ATP2B2: variants seen among roughly 807,000 people sequenced by gnomAD.
ATP2B2 encodes the protein plasma membrane calcium-transporting ATPase 2.
A neutral mutation model predicts 120.0 loss-of-function variants in ATP2B2; 15 were observed. The observed-to-expected ratio is 0.12, with a 90% CI of 0.08 to 0.19. ATP2B2 has a LOEUF of 0.19. Among genes scored for constraint, ATP2B2 ranks in the 10% least tolerant of loss-of-function variants. The probability of loss-of-function intolerance (pLI) is 1.00; values close to 1 mark genes in which losing one functional copy is unlikely to be tolerated. For missense variants in ATP2B2, 1,045 were observed against 1,719.8 expected (o/e 0.61, Z 6.94); for synonymous variants, 694 against 700.3 (o/e 0.99, Z 0.14).
chr3:10,514,277 G>A (rs1206955673), intron 3 of ATP2B2, among the ~76,000 whole-genome samples: 3 of 152,176 alleles, frequency 2.0e-5, no homozygotes, highest in Non-Finnish European at 4.4e-5. Context: ...AGTGGTTGAG[G>A]GGAGCAGGGA....
At position 10,396,996 on chromosome 3, in the gene ATP2B2, A is replaced by G. The variant is rs181082674; in HGVS notation, c.781+3957T>C. 2.1e-3 allele frequency among the ~76,000 whole-genome samples: 324 copies of G among 152,320 alleles called. 2 individuals are homozygous for G. The highest frequency in any genetic ancestry group is 7.3e-3 in the African/African-American group (304 of 41,566). ...GAGCCTCCCTGTGCAGCACTGTGCT[A>G]GGGGATCCACTTACATCATATCATG... On this transcript the variant is annotated intron_variant, in intron 5 of 22. Transcript: ENST00000360273.
intron 5 of ATP2B2, among the ~76,000 whole-genome samples, chr3:10,393,988 C>T (rs77802132): frequency 0.027 from 4,183 of 152,304 alleles, 70 homozygotes; most frequent in Middle Eastern, 0.065. Context: ...GGTAGCAGAA[C>T]TGGGAAGCCT....
At chr3:10,505,678 G>T (rs2066599686), upstream of ATP2B2, 3 of 148,042 alleles carry the variant, frequency 2.0e-5, no homozygotes, top group Admixed American at 2.0e-4. Flanking sequence ...AATCTCGGGG[G>T]AGGCAGAGGC....
At chr3:10,446,509 A>G (rs953171547) in intron 2 of ATP2B2, among the ~76,000 whole-genome samples, 1 of 152,174 alleles carries the variant, frequency 6.6e-6, no homozygotes, top group Non-Finnish European at 1.5e-5. Context: ...TTACAGATGA[A>G]GAAACGGGGG....
intron 12 of ATP2B2, among the ~76,000 whole-genome samples, chr3:10,364,840 C>T (rs760509282): frequency 1.3e-5 from 2 of 152,206 alleles, no homozygotes; most frequent in South Asian, 2.1e-4. Flanking sequence ...CAACTTTATG[C>T]TAATTGGCTG....
At chr3:10,421,891 T>C (rs1442906106) in intron 2 of ATP2B2, among the ~76,000 whole-genome samples, 2 of 152,224 alleles carry the variant, frequency 1.3e-5, no homozygotes, top group East Asian at 1.9e-4. Flanking sequence ...GAACATTTAC[T>C]ATCACTTCCT....
chr3:10,564,106 C>T (rs2067959272), intron 2 of ATP2B2, among the ~76,000 whole-genome samples: 1 of 152,210 alleles, frequency 6.6e-6, no homozygotes. Context: ...CTAGGTCTAG[C>T]CTTGGCTCTG....
chr3:10,684,584 A>G (rs997321510), intron 1 of ATP2B2, among the ~76,000 whole-genome samples: 1 of 152,248 alleles, frequency 6.6e-6, no homozygotes, highest in Non-Finnish European at 1.5e-5. Flanking sequence ...CAGGCCTGCC[A>G]CTGATATGCT....
At chr3:10,368,389 C>T (rs113338077) in intron 12 of ATP2B2, among the ~76,000 whole-genome samples, 2 of 152,110 alleles carry the variant, frequency 1.3e-5, no homozygotes, top group African/African-American at 4.8e-5. Flanking sequence ...AAGGTAGAGA[C>T]ATCAGTCCTG....
intron 2 of ATP2B2, among the ~76,000 whole-genome samples, chr3:10,536,139 C>A (rs753130128): frequency 1.3e-5 from 2 of 152,108 alleles, no homozygotes; most frequent in Non-Finnish European, 2.9e-5. Context: ...TGTTGCACAT[C>A]TTTTCACGTG....
intron 5 of ATP2B2, among the ~76,000 whole-genome samples, chr3:10,396,906 C>G (rs758121716): frequency 6.6e-6 from 1 of 152,044 alleles, no homozygotes; most frequent in Non-Finnish European, 1.5e-5. Flanking sequence ...GGATTGGAAC[C>G]CAGTCTGTTT....
rs1177614287 is a variant in ATP2B2 at position 10,405,226 on chromosome 3, G to C, written c.398-2878C>G. Among the ~76,000 whole-genome samples, 3 of 152,046 alleles carry C rather than the reference G, an allele frequency of 2.0e-5. No individual in the cohort carries two copies. In the East Asian group the frequency reaches 5.8e-4, roughly 29 times the overall value. Reference sequence around the variant, plus strand: ...CCCTTTTCATGAGCTTTTTTCCTTGGACTGGCCTCTGAAAGCCAAGGGCAC... The same window carrying C: ...CCCTTTTCATGAGCTTTTTTCCTTGCACTGGCCTCTGAAAGCCAAGGGCAC... On this transcript the variant is annotated intron_variant, in intron 3 of 22. Transcript: ENST00000360273.
intron 1 of ATP2B2, among the ~76,000 whole-genome samples, chr3:10,483,427 A>G (rs2065494428): frequency 6.6e-6 from 1 of 152,214 alleles, no homozygotes; most frequent in African/African-American, 2.4e-5. Context: ...AACAATGGGC[A>G]AGGCCCTGGC....
At chr3:10,502,991 A>G (rs11919657) in intron 1 of ATP2B2, among the ~76,000 whole-genome samples, 7,625 of 152,240 alleles carry the variant, frequency 0.05, 627 homozygotes, top group African/African-American at 0.17. Context: ...TAACAGGGCT[A>G]TGGGCGTCCT....
At chr3:10,451,768 T>G (rs2064060852) in intron 1 of ATP2B2, among the ~76,000 whole-genome samples, 1 of 152,216 alleles carries the variant, frequency 6.6e-6, no homozygotes, top group Admixed American at 6.5e-5. Context: ...TCCTTGGCCA[T>G]GGATGGAACA....
intron 2 of ATP2B2, among the ~76,000 whole-genome samples, chr3:10,611,264 G>A (rs547582985): frequency 6.6e-6 from 1 of 152,162 alleles, no homozygotes; most frequent in East Asian, 1.9e-4. Context: ...GCAGGGGTGG[G>A]CAAGGCCCTC....
intron 1 of ATP2B2, among the ~76,000 whole-genome samples, chr3:10,658,317 A>T (rs2070691299): frequency 1.4e-5 from 2 of 143,778 alleles, no homozygotes; most frequent in African/African-American, 4.8e-5. Context: ...AGAAGTTCGA[A>T]CCCATCACAA....
intron 1 of ATP2B2, among the ~76,000 whole-genome samples, chr3:10,661,786 T>C (rs569353787): frequency 9.2e-5 from 14 of 152,268 alleles, no homozygotes; most frequent in South Asian, 8.3e-4. Flanking sequence ...GAACCTGCTT[T>C]GCCAAGTCAA....
rs772593257 is a variant in ATP2B2 at position 10,345,423 on chromosome 3, C to T, written c.2664G>A (p.Val888=). The T allele has an allele frequency of 6.2e-7, 1 of 1,614,218 alleles. No individual in the cohort carries two copies. The highest frequency in any genetic ancestry group is 1.1e-5 in the South Asian group (1 of 91,088). ...FLQFQLTVNV[V]AVIVAFTGAC... ...CGCCTGTGAAGGCCACAATCACGGC[C>T]ACCACGTTGACGGTGAGCTGGAACT... Residue 888 remains valine (V), a synonymous_variant, in exon 18 of 23, where the codon GTG becomes GTA. Transcript: ENST00000360273.
Sources: allele counts gnomAD v4.1 joint callset (sites outside exome capture counted in the v4.1 genomes callset), GRCh38; gene constraint gnomAD v4.1.1; transcripts MANE v1.5; gene names NCBI Gene and HGNC (gene_info 2026-07-23, HGNC 2026-07-21).